GSK3B: variants seen among roughly 807,000 people sequenced by gnomAD.
GSK3B encodes the protein glycogen synthase kinase-3 beta.
A neutral mutation model predicts 56.4 loss-of-function variants in GSK3B; 15 were observed. The ratio of observed to expected loss-of-function variants is 0.27; its 90% CI spans 0.18 to 0.41. The LOEUF (loss-of-function observed/expected upper bound fraction) is 0.41. Ranked by LOEUF, GSK3B falls within the 10% of genes least tolerant of loss-of-function variation. The pLI is 1.00. For synonymous variants in GSK3B, 181 were observed against 188.9 expected, an observed-to-expected ratio of 0.96 and a Z score of 0.34; for missense variants, 300 against 513.4, an observed-to-expected ratio of 0.58 and a Z score of 4.02.
chr3:120,053,783 T>C (rs1485264310), intron 1 of GSK3B, among the ~76,000 whole-genome samples: 1 of 152,184 alleles, frequency 6.6e-6, no homozygotes, highest in Non-Finnish European at 1.5e-5. Context: ...CTGATGGTTT[T>C]ATAAGGGGGA....
Position 119,840,513 on chromosome 3 carries a change from C to T in GSK3B, c.1195+2742G>A, listed in dbSNP as rs148571917. 5.0e-3 allele frequency among the ~76,000 whole-genome samples: 761 copies of T among 152,114 alleles called. 7 individuals are homozygous for T. Among genetic ancestry groups the T allele is most frequent in the African/African-American group, 0.018 (739 of 41,484 alleles). ...TGCTGGGATTACAGGTGTGAGCCAC[C>T]GCGCCTGGCCGAGGACATATATATT... is the stretch of plus-strand genomic sequence containing the variant. On this transcript the variant is annotated intron_variant, in intron 10 of 10. Transcript: ENST00000264235.
intron 1 of GSK3B, among the ~76,000 whole-genome samples, chr3:120,088,143 C>T (rs556838105): frequency 1.7e-4 from 26 of 152,300 alleles, no homozygotes; most frequent in African/African-American, 5.1e-4. Flanking sequence ...CCACCCGCCT[C>T]GGCCTCCCAA....
At chr3:120,029,438 C>T (rs1233241938) in intron 1 of GSK3B, 4 of 721,446 alleles carry the variant, frequency 5.5e-6, no homozygotes, top group Non-Finnish European at 1.0e-5. Flanking sequence ...AGCTTCGCCT[C>T]CAGCACAGTG....
intron 1 of GSK3B, among the ~76,000 whole-genome samples, chr3:120,040,048 A>G (rs371898193): frequency 1.4e-4 from 21 of 152,350 alleles, no homozygotes; most frequent in African/African-American, 4.8e-4. Flanking sequence ...GGAAAGAAAC[A>G]GGCCGGCAGC....
intron 10 of GSK3B, among the ~76,000 whole-genome samples, chr3:119,827,925 A>G (rs914697403): frequency 6.6e-6 from 1 of 151,218 alleles, no homozygotes; most frequent in African/African-American, 2.4e-5. Context: ...TGACTACAGT[A>G]CAAAAATAAT....
chr3:120,039,513 C>T (rs2058048972), intron 1 of GSK3B, among the ~76,000 whole-genome samples: 1 of 152,160 alleles, frequency 6.6e-6, no homozygotes. Context: ...AACCAATCTT[C>T]CTGTCAGCTC....
chr3:119,937,201 C>T (rs1373870378), intron 3 of GSK3B, among the ~76,000 whole-genome samples: 1 of 152,008 alleles, frequency 6.6e-6, no homozygotes, highest in Non-Finnish European at 1.5e-5. Flanking sequence ...CCCCCTAAAC[C>T]TCATGGTAAA....
At chr3:120,052,400 T>C (rs2058157733) in intron 1 of GSK3B, among the ~76,000 whole-genome samples, 1 of 152,152 alleles carries the variant, frequency 6.6e-6, no homozygotes, top group Non-Finnish European at 1.5e-5. Flanking sequence ...AAATTACAGG[T>C]TACCGAGTAG....
intron 6 of GSK3B, among the ~76,000 whole-genome samples, chr3:119,910,664 C>A (rs1156570405): frequency 6.6e-6 from 1 of 152,162 alleles, no homozygotes; most frequent in Non-Finnish European, 1.5e-5. Flanking sequence ...CTCTTCCCTT[C>A]ATGAAAGATT....
intron 1 of GSK3B, among the ~76,000 whole-genome samples, chr3:120,047,975 A>C (rs993253429): frequency 6.6e-6 from 1 of 152,210 alleles, no homozygotes; most frequent in East Asian, 1.9e-4. Context: ...CTAGAATATC[A>C]ATGCTGTCCA....
chr3:120,004,525 G>A (rs887566489), intron 1 of GSK3B, among the ~76,000 whole-genome samples: 7 of 152,142 alleles, frequency 4.6e-5, no homozygotes, highest in African/African-American at 1.7e-4. Flanking sequence ...ATGGCCAACA[G>A]ACACCTCATA....
chr3:120,073,556 G>A (rs1302784012), intron 1 of GSK3B, among the ~76,000 whole-genome samples: 1 of 152,154 alleles, frequency 6.6e-6, no homozygotes, highest in African/African-American at 2.4e-5. Flanking sequence ...AAAATAAACT[G>A]TACTTATATA....
chr3:120,022,863 G>A (rs1192672908), intron 1 of GSK3B, among the ~76,000 whole-genome samples: 1 of 152,208 alleles, frequency 6.6e-6, no homozygotes, highest in African/African-American at 2.4e-5. Context: ...AATAAAATGA[G>A]ACTAATCCTC....
intron 9 of GSK3B, among the ~76,000 whole-genome samples, chr3:119,843,810 T>C (rs1287151393): frequency 6.6e-6 from 1 of 152,166 alleles, no homozygotes; most frequent in Non-Finnish European, 1.5e-5. Flanking sequence ...AACTCAGCTC[T>C]GGACCAAGTT....
intron 3 of GSK3B, among the ~76,000 whole-genome samples, chr3:119,944,896 G>A (rs1275224620): frequency 2.0e-5 from 3 of 152,172 alleles, no homozygotes; most frequent in African/African-American, 4.8e-5. Flanking sequence ...GGATTTGCAA[G>A]AATTTCACAG....
chr3:119,936,937 C>T (rs1013605573), intron 3 of GSK3B, among the ~76,000 whole-genome samples: 3 of 152,044 alleles, frequency 2.0e-5, no homozygotes, highest in African/African-American at 7.3e-5. Context: ...GCAGAGAACA[C>T]ATTATTTTGC....
intron 2 of GSK3B, among the ~76,000 whole-genome samples, chr3:119,986,477 C>T (rs534931112): frequency 6.7e-6 from 1 of 149,870 alleles, no homozygotes; most frequent in African/African-American, 2.4e-5. Flanking sequence ...ATAACTCAAA[C>T]AAATTTACAA....
chr3:120,065,469 C>T (rs1400158094), intron 1 of GSK3B, among the ~76,000 whole-genome samples: 1 of 151,998 alleles, frequency 6.6e-6, no homozygotes, highest in Non-Finnish European at 1.5e-5. Flanking sequence ...AGAAATAAGG[C>T]TTGAAGAAGA....
intron 1 of GSK3B, among the ~76,000 whole-genome samples, chr3:120,028,556 C>G (rs922337): frequency 0.026 from 3,934 of 152,312 alleles, 173 homozygotes; most frequent in African/African-American, 0.089. Context: ...TCCCTCTCAT[C>G]TGAATGAGCT....
Sources: gnomAD v4.1 joint callset for allele counts (sites outside exome capture counted in the v4.1 genomes callset) on GRCh38, gnomAD v4.1.1 for gene constraint, MANE v1.5 for transcripts, NCBI Gene and HGNC (gene_info 2026-07-23, HGNC 2026-07-21) for gene names.